The following IL1RAPL1 variants were observed in gnomAD, a reference collection of about 807,000 sequenced individuals.
IL1RAPL1 encodes interleukin-1 receptor accessory protein-like 1.
In IL1RAPL1, 3 loss-of-function variants were observed where a neutral mutation model predicts 48.4. The observed-to-expected ratio is 0.06, with a 90% confidence interval of 0.03 to 0.16. IL1RAPL1 has a LOEUF of 0.16. Ranked by LOEUF, IL1RAPL1 falls within the 10% of genes least tolerant of loss-of-function variation. The probability of loss-of-function intolerance (pLI) is 1.00; values close to 1 mark genes in which losing one functional copy is unlikely to be tolerated. For synonymous variants in IL1RAPL1, 185 were observed against 187.7 expected (o/e 0.99, Z 0.12); for missense variants, 349 against 530.6 (o/e 0.66, Z 3.36).
intron 5 of IL1RAPL1, among the ~76,000 whole-genome samples, chrX:29,437,051 C>A (rs888799501): frequency 9.0e-6 from 1 of 110,794 alleles, no homozygotes; most frequent in Admixed American, 9.6e-5. Context: ...TTTGTCTCTA[C>A]AAATGCAAAA....
intron 2 of IL1RAPL1, among the ~76,000 whole-genome samples, chrX:28,907,710 G>A (rs1247502786): frequency 8.9e-6 from 1 of 112,342 alleles, no homozygotes; most frequent in East Asian, 2.8e-4. Context: ...GCTTTTATTT[G>A]TTGTAATGTC....
intron 1 of IL1RAPL1, among the ~76,000 whole-genome samples, chrX:28,640,213 G>T (rs1934516924): frequency 9.0e-6 from 1 of 111,726 alleles, no homozygotes; most frequent in Non-Finnish European, 1.9e-5. Flanking sequence ...TACCTTAAGG[G>T]TTTCCAAGGA....
chrX:29,943,940 A>G (rs1289761753), intron 9 of IL1RAPL1, among the ~76,000 whole-genome samples: 2 of 111,945 alleles, frequency 1.8e-5, no homozygotes, highest in Non-Finnish European at 3.8e-5. Flanking sequence ...GTTTTAAGTA[A>G]GAAAACAAAG....
intron 2 of IL1RAPL1, among the ~76,000 whole-genome samples, chrX:29,105,154 A>G (rs1406072545): frequency 1.8e-5 from 2 of 111,998 alleles, no homozygotes; most frequent in East Asian, 5.6e-4. Flanking sequence ...AAAGGAAGAC[A>G]TTGGAATTGA....
chrX:28,710,500 T>A (rs946953375), intron 1 of IL1RAPL1, among the ~76,000 whole-genome samples: 2 of 109,582 alleles, frequency 1.8e-5, no homozygotes, highest in Non-Finnish European at 3.8e-5. Flanking sequence ...GGAATATGTC[T>A]GGTGTTCAAA....
At chrX:29,748,488 G>T (rs1928386572) in intron 6 of IL1RAPL1, among the ~76,000 whole-genome samples, 1 of 112,598 alleles carries the variant, frequency 8.9e-6, no homozygotes, top group Non-Finnish European at 1.9e-5. Context: ...AATTACTGTG[G>T]GTCACATTCT....
intron 2 of IL1RAPL1, among the ~76,000 whole-genome samples, chrX:28,798,095 C>T (rs1174294371): frequency 1.8e-5 from 2 of 111,505 alleles, no homozygotes; most frequent in Admixed American, 9.5e-5. Flanking sequence ...AATTCCATCA[C>T]GTCCCACCAG....
intron 1 of IL1RAPL1, among the ~76,000 whole-genome samples, chrX:28,690,525 C>T (rs1489260816): frequency 9.0e-6 from 1 of 111,545 alleles, no homozygotes; most frequent in Non-Finnish European, 1.9e-5. Context: ...GATTGCTGTA[C>T]TGCCTATTTA....
intron 1 of IL1RAPL1, among the ~76,000 whole-genome samples, chrX:28,772,423 A>G (rs1485551789): frequency 1.8e-5 from 2 of 111,622 alleles, no homozygotes; most frequent in Non-Finnish European, 3.8e-5. Context: ...CTATTTTTCC[A>G]GGAACAAGCT....
chrX:29,622,041 T>G lies in IL1RAPL1; in HGVS notation c.704-46389T>G, dbSNP rs186078764. ...GTCTTTCTGTGCTGGCTTATTTCAC[T>G]TAACATATTGACCTTCAGTTCCATC... On this transcript the variant is annotated intron_variant, in intron 5 of 10. Transcript: ENST00000378993. 4.4e-4 allele frequency among the ~76,000 whole-genome samples: 50 copies of G among 112,499 alleles called. 1 individual carries two copies. The highest frequency in any genetic ancestry group is 3.5e-3 in the Admixed American group (37 of 10,580).
intron 5 of IL1RAPL1, among the ~76,000 whole-genome samples, chrX:29,626,572 A>G: frequency 8.9e-6 from 1 of 112,464 alleles, no homozygotes; most frequent in Non-Finnish European, 1.9e-5. Context: ...AAGTGATGCA[A>G]ACTCACAAGC....
rs190906627 is a variant in IL1RAPL1 at position 29,058,325 on chromosome X, T to C, written c.83-224613T>C. Among the ~76,000 whole-genome samples, 678 of 108,915 alleles carry C rather than the reference T, an allele frequency of 6.2e-3. 8 individuals are homozygous for C. The highest frequency in any genetic ancestry group is 0.021 in the African/African-American group (648 of 30,261). The allele number at this position is 108,915 out of a possible 115,157, so 94.6% of individuals were successfully genotyped here. A position where few individuals can be genotyped will look rare whatever the true frequency, so the allele number is the denominator to read the frequency against. On this transcript the variant is annotated intron_variant, in intron 2 of 10. Transcript: ENST00000378993. ...CCGGGAGGCGGAGGTTGCAGTGAGC[T>C]GAGATCACACCACTGTACTCCAGCC...
intron 1 of IL1RAPL1, among the ~76,000 whole-genome samples, chrX:28,669,072 C>T (rs1402768199): frequency 9.0e-6 from 1 of 111,436 alleles, no homozygotes; most frequent in African/African-American, 3.3e-5. Context: ...AAATTGCCCT[C>T]ATCTGATATG....
intron 1 of IL1RAPL1, among the ~76,000 whole-genome samples, chrX:28,712,057 G>T (rs1935447802): frequency 9.0e-6 from 1 of 111,220 alleles, no homozygotes; most frequent in African/African-American, 3.3e-5. Context: ...TGCTTACCTG[G>T]GGCTGAAGCC....
intron 2 of IL1RAPL1, among the ~76,000 whole-genome samples, chrX:29,014,198 CT>C (rs1427825657): frequency 9.0e-6 from 1 of 111,599 alleles, no homozygotes; most frequent in Non-Finnish European, 1.9e-5. Flanking sequence ...CCTCTTCTTA[CT>C]TTTTTTGTTT....
At position 28,853,466 on chromosome X, in the gene IL1RAPL1, A is replaced by G. The variant is rs780315755; in HGVS notation, c.82+64041A>G. Among the ~76,000 whole-genome samples the G allele has an allele frequency of 1.6e-4, 15 of 92,381 alleles. No homozygotes were observed. In the South Asian group the frequency reaches 8.1e-3, roughly 50 times the overall value. 80.2% of individuals were successfully genotyped at this position (92,381 alleles called of 115,157 possible). On this transcript the variant is annotated intron_variant, in intron 2 of 10. Transcript: ENST00000378993. ...CTTTTTATCCTGTTTCCCCATTGCA[A>G]TCCCCTCAGTGCATGTGTGTGCGCG...
chrX:29,496,777 T>C (rs919362241), intron 5 of IL1RAPL1, among the ~76,000 whole-genome samples: 1 of 111,705 alleles, frequency 9.0e-6, no homozygotes, highest in Non-Finnish European at 1.9e-5. Flanking sequence ...ATTGGGAAAA[T>C]GCTAAATGAG....
At chrX:29,230,523 A>AAAAACAAAC (rs1555978824) in intron 2 of IL1RAPL1, among the ~76,000 whole-genome samples, 10 of 93,330 alleles carry the variant, frequency 1.1e-4, no homozygotes, top group African/African-American at 4.2e-4. Context: ...AAAAAAAAAA[A>AAAAACAAAC]AAAAAAAAAA....
rs143746990 is a variant in IL1RAPL1 at position 29,344,790 on chromosome X, A to G, written c.363-51468A>G. Among the ~76,000 whole-genome samples, 175 of 112,096 alleles carry G rather than the reference A, an allele frequency of 1.6e-3. 1 individual carries two copies. The East Asian group carries it at 0.042, about 27-fold the overall frequency. On this transcript the variant is annotated intron_variant, in intron 3 of 10. Coordinates refer to ENST00000378993, the MANE Select transcript of IL1RAPL1 (RefSeq NM_014271.4). ...GTAGCTGGGACTACAGGCACATGCC[A>G]CCACGCCCAGCTAATTTTTGTATTT...
Sources: gnomAD v4.1 joint callset for allele counts (sites outside exome capture counted in the v4.1 genomes callset) on GRCh38, gnomAD v4.1.1 for gene constraint, MANE v1.5 for transcripts, NCBI Gene and HGNC (gene_info 2026-07-23, HGNC 2026-07-21) for gene names.